Variants in TRIQK observed in about 807,000 individuals in gnomAD.
TRIQK encodes triple QxxK/R motif containing.
TRIQK carries 10 observed loss-of-function variants against 10.8 expected under a neutral mutation model. The observed-to-expected ratio is 0.92, with a 90% CI of 0.57 to 1.57. The LOEUF is 1.57. Among genes scored for constraint, TRIQK ranks in the 40% most tolerant of loss-of-function variants. The probability of loss-of-function intolerance (pLI) is 0.00; values close to 1 mark genes in which losing one functional copy is unlikely to be tolerated. For synonymous variants in TRIQK, 33 were observed against 33.7 expected (o/e 0.98, Z 0.07); for missense variants, 107 against 97.7 (o/e 1.09, Z -0.40).
intron 1 of TRIQK, among the ~76,000 whole-genome samples, chr8:93,013,144 G>A (rs1013366385): frequency 3.3e-5 from 5 of 152,088 alleles, no homozygotes; most frequent in African/African-American, 7.2e-5. Flanking sequence ...ACTTTGGGTC[G>A]CTCAATGGTG....
chr8:92,944,099 C>A (rs543341233), intron 2 of TRIQK, among the ~76,000 whole-genome samples: 38 of 151,996 alleles, frequency 2.5e-4, no homozygotes, highest in Non-Finnish European at 4.1e-4. Flanking sequence ...AAATGGCCAA[C>A]AGTTATATTA....
intron 1 of TRIQK, among the ~76,000 whole-genome samples, chr8:92,963,294 T>C (rs1267526486): frequency 6.6e-6 from 1 of 152,198 alleles, no homozygotes; most frequent in Non-Finnish European, 1.5e-5. Flanking sequence ...TATCTACTAC[T>C]GATATCCACT....
chr8:92,916,916 A>G lies in TRIQK; in HGVS notation c.61+13T>C. On this transcript the variant is annotated intron_variant, in intron 3 of 4. Transcript: ENST00000521988. ...AATTAATAGGAGTGTATCAAAGATA[A>G]TTCATTGCTTACCAATTTGTTTTCT... 2 of 1,454,970 alleles carry G rather than the reference A, an allele frequency of 1.4e-6. No individual in the cohort carries two copies. Among genetic ancestry groups the G allele is most frequent in the Non-Finnish European group, 1.8e-6 (2 of 1,108,628 alleles). The allele number at this position is 1,454,970 out of a possible 1,614,324, so 90.1% of individuals were successfully genotyped here.
intron 1 of TRIQK, among the ~76,000 whole-genome samples, chr8:93,002,371 CTA>C (rs998709478): frequency 1.3e-5 from 2 of 151,882 alleles, no homozygotes; most frequent in African/African-American, 2.4e-5. Context: ...TTTAGCTAGA[CTA>C]TCAAAAAAGA....
chr8:93,010,555 A>T (rs1404316879), intron 1 of TRIQK, among the ~76,000 whole-genome samples: 1 of 152,160 alleles, frequency 6.6e-6, no homozygotes, highest in Non-Finnish European at 1.5e-5. Flanking sequence ...AAATTATTTA[A>T]AGCAGTATTT....
At chr8:93,001,124 G>A (rs866999902) in intron 1 of TRIQK, among the ~76,000 whole-genome samples, 1 of 151,932 alleles carries the variant, frequency 6.6e-6, no homozygotes, top group Admixed American at 6.6e-5. Flanking sequence ...TGGCTAACAC[G>A]GTGAAACCCC....
chr8:92,966,145 G>T (rs1199366546), upstream of TRIQK: 17 of 152,242 alleles, frequency 1.1e-4, no homozygotes, highest in Admixed American at 9.8e-4. Context: ...CGGAAAAGAG[G>T]CGAGGCTCTG....
intron 2 of TRIQK, among the ~76,000 whole-genome samples, chr8:92,918,568 T>C (rs1809990892): frequency 6.6e-6 from 1 of 151,890 alleles, no homozygotes; most frequent in Non-Finnish European, 1.5e-5. Flanking sequence ...TTTAATTGAA[T>C]TGTGTTTTGC....
rs896757980 is a variant in TRIQK, at chr8:92,883,615, G to A, written c.*3007C>T. Reference sequence around the variant, plus strand: ...ACAAAGAAACTGTGACAGACTCTGAGAGGACTAAAAGGCATCAACTTAAAT... The same window carrying A: ...ACAAAGAAACTGTGACAGACTCTGAAAGGACTAAAAGGCATCAACTTAAAT... On this transcript the variant is annotated 3_prime_UTR_variant, in exon 5 of 5. Transcript: ENST00000521988. 5 of 151,624 alleles carry A rather than the reference G, an allele frequency of 3.3e-5. No homozygotes were observed. The highest frequency in any genetic ancestry group is 1.2e-4 in the African/African-American group (5 of 41,346). The allele number at this position is 151,624 out of a possible 1,614,324, so 9.4% of individuals were successfully genotyped here.
chr8:92,899,295 T>C lies in TRIQK; in HGVS notation c.62-7221A>G, dbSNP rs1485114039. ...CCACTGCACTTGGCCTTTTTCATTA[T>C]TTTTAAATGTACAATAAGTTTTATC... On this transcript the variant is annotated intron_variant, in intron 3 of 4. Coordinates refer to ENST00000521988, the MANE Select transcript of TRIQK (RefSeq NM_001171797.2). Among the ~76,000 whole-genome samples the C allele has an allele frequency of 2.6e-5, 4 of 152,016 alleles. No individual in the cohort carries two copies. The East Asian group carries it at 7.7e-4, about 29-fold the overall frequency.
rs540736697 is a variant in TRIQK, at chr8:92,886,077, T to A, written c.*545A>T. ...CATTTCTGATGCAGCACATGTGCAC[T>A]GAACAGTTGGCAAAGAAGGAAAAAG... On this transcript the variant is annotated 3_prime_UTR_variant, in exon 5 of 5. Transcript: ENST00000521988. The A allele has an allele frequency of 2.5e-4, 38 of 151,884 alleles. No homozygotes were observed. Among genetic ancestry groups the A allele is most frequent in the African/African-American group, 8.9e-4 (37 of 41,492 alleles). The allele number at this position is 151,884 out of a possible 1,614,324, so 9.4% of individuals were successfully genotyped here.
chr8:92,910,792 C>T (rs1809528478), intron 3 of TRIQK, among the ~76,000 whole-genome samples: 1 of 151,098 alleles, frequency 6.6e-6, no homozygotes, highest in Non-Finnish European at 1.5e-5. Context: ...TACCAATTTA[C>T]AAATGCTAAG....
At chr8:92,944,513 A>G (rs1328026062) in intron 2 of TRIQK, among the ~76,000 whole-genome samples, 1 of 152,180 alleles carries the variant, frequency 6.6e-6, no homozygotes, top group Non-Finnish European at 1.5e-5. Flanking sequence ...ATATGGAATG[A>G]AATACTATCC....
chr8:92,896,015 C>T (rs1328524131), intron 3 of TRIQK, among the ~76,000 whole-genome samples: 1 of 152,124 alleles, frequency 6.6e-6, no homozygotes, highest in African/African-American at 2.4e-5. Flanking sequence ...GGACCAGGTG[C>T]TATTCATCAG....
At chr8:92,947,587 G>GAAAAAAAAAAAAAAAAAAAAAAAAAA (rs35808197) in intron 2 of TRIQK, among the ~76,000 whole-genome samples, 1 of 61,440 alleles carries the variant, frequency 1.6e-5, no homozygotes. Flanking sequence ...TCCGCCTCAG[G>GAAAAAAAAAAAAAAAAAAAAAAAAAA]AAAAAAAAAA....
intron 1 of TRIQK, among the ~76,000 whole-genome samples, chr8:93,001,528 A>C (rs1441080666): frequency 6.6e-6 from 1 of 152,198 alleles, no homozygotes; most frequent in Non-Finnish European, 1.5e-5. Flanking sequence ...AAAACTGTAA[A>C]AAGAAGACAA....
chr8:92,991,902 C>T (rs1240882523), intron 1 of TRIQK, among the ~76,000 whole-genome samples: 6 of 152,090 alleles, frequency 3.9e-5, no homozygotes, highest in Non-Finnish European at 7.3e-5. Flanking sequence ...CTCCCATTCA[C>T]AATTGCTACA....
At chr8:92,955,915 G>T (rs780002080) in intron 1 of TRIQK, among the ~76,000 whole-genome samples, 9 of 151,596 alleles carry the variant, frequency 5.9e-5, no homozygotes, top group Admixed American at 2.0e-4. Context: ...AAAAATGCAA[G>T]TGGAGATAAG....
At chr8:92,982,796 G>A (rs1812999719) in intron 1 of TRIQK, among the ~76,000 whole-genome samples, 1 of 151,988 alleles carries the variant, frequency 6.6e-6, no homozygotes, top group African/African-American at 2.4e-5. Flanking sequence ...GTAGGATGAA[G>A]TTGTAATCTG....
Sources: allele counts gnomAD v4.1 joint callset (sites outside exome capture counted in the v4.1 genomes callset), GRCh38; gene constraint gnomAD v4.1.1; transcripts MANE v1.5; gene names NCBI Gene and HGNC (gene_info 2026-07-23, HGNC 2026-07-21).